Variants in OPCML observed in about 807,000 individuals in gnomAD.
OPCML encodes opioid-binding protein/cell adhesion molecule.
In OPCML, 13 loss-of-function variants were observed where a neutral mutation model predicts 37.8. That is an observed-to-expected ratio of 0.34 (90% CI 0.22 to 0.55). The LOEUF (loss-of-function observed/expected upper bound fraction) is 0.55, where lower values mean the gene tolerates loss of function less well. Ranked by LOEUF, OPCML falls within the 20% of genes least tolerant of loss-of-function variation. The pLI is 0.91. For missense variants in OPCML, 341 were observed against 435.6 expected, an observed-to-expected ratio of 0.78 and a Z score of 1.93; for synonymous variants, 176 against 168.8, an observed-to-expected ratio of 1.04 and a Z score of -0.33.
intron 3 of OPCML, among the ~76,000 whole-genome samples, chr11:132,539,286 G>T (rs570325880): frequency 1.1e-4 from 16 of 152,278 alleles, no homozygotes; most frequent in African/African-American, 3.8e-4. Context: ...TGAAGGGTTT[G>T]TTGTGGGCAG....
At chr11:132,845,883 G>A (rs993780461) in intron 2 of OPCML, among the ~76,000 whole-genome samples, 1 of 151,990 alleles carries the variant, frequency 6.6e-6, no homozygotes, top group African/African-American at 2.4e-5. Flanking sequence ...TCCATGTGGC[G>A]AAAGGCCCAT....
chr11:132,836,395 G>A (rs572921309), intron 2 of OPCML, among the ~76,000 whole-genome samples: 2 of 152,208 alleles, frequency 1.3e-5, no homozygotes, highest in East Asian at 1.9e-4. Flanking sequence ...TGTGACTTCC[G>A]TCCCCTCAGG....
intron 2 of OPCML, among the ~76,000 whole-genome samples, chr11:132,930,820 A>T (rs1358321280): frequency 1.3e-5 from 2 of 152,304 alleles, no homozygotes; most frequent in East Asian, 3.9e-4. Context: ...CAATCCTAAA[A>T]TTTATATGAA....
chr11:132,817,469 T>C (rs1045106614), intron 2 of OPCML, among the ~76,000 whole-genome samples: 3 of 152,240 alleles, frequency 2.0e-5, no homozygotes, highest in Admixed American at 2.0e-4. Flanking sequence ...TCTTTTTTTG[T>C]CTTTGGAAAA....
rs116343957 is a variant in OPCML, at chr11:133,386,055, G to C, written c.61+146209C>G. Among the ~76,000 whole-genome samples, 1,305 of 152,284 alleles carry C rather than the reference G, an allele frequency of 8.6e-3. 19 individuals carry two copies. Among genetic ancestry groups the C allele is most frequent in the African/African-American group, 0.03 (1,228 of 41,540 alleles). ...CACAAGAAAACTCCCATTAGAGCGG[G>C]AGAGGGGAAGTGTGTGTTAATGAGC... On this transcript the variant is annotated intron_variant, in intron 1 of 7. Transcript: ENST00000524381.
intron 1 of OPCML, among the ~76,000 whole-genome samples, chr11:133,069,274 C>CT (rs773045305): frequency 1.4e-4 from 21 of 152,242 alleles, no homozygotes; most frequent in South Asian, 4.1e-4. Context: ...CAAGAAAATT[C>CT]TTAACATTAT....
intron 1 of OPCML, among the ~76,000 whole-genome samples, chr11:133,485,321 A>G (rs990558269): frequency 2.0e-5 from 3 of 152,308 alleles, no homozygotes; most frequent in Middle Eastern, 6.8e-3. Context: ...GAATTAATGT[A>G]ATAAGAAATG....
At chr11:132,945,883 C>T (rs1469617192) in intron 1 of OPCML, among the ~76,000 whole-genome samples, 7 of 152,260 alleles carry the variant, frequency 4.6e-5, no homozygotes, top group Middle Eastern at 3.4e-3. Context: ...CCCGGGTTCA[C>T]GCCATTCTCC....
At chr11:132,626,030 C>T (rs1375005877) in intron 3 of OPCML, among the ~76,000 whole-genome samples, 1 of 151,952 alleles carries the variant, frequency 6.6e-6, no homozygotes, top group Non-Finnish European at 1.5e-5. Context: ...CATTGAACTC[C>T]TCCTACAAGG....
At position 132,571,053 on chromosome 11, in the gene OPCML, G is replaced by A. The variant is rs377343637; in HGVS notation, c.380-41867C>T. ...GTGGGCACCATCCATTCGGCTGCCAGCCTGGCTAGAAGAGTAGGTGGAAGA... is the reference window on the plus strand; with the variant it reads ...GTGGGCACCATCCATTCGGCTGCCAACCTGGCTAGAAGAGTAGGTGGAAGA... On this transcript the variant is annotated intron_variant, in intron 3 of 7. Transcript: ENST00000524381. Among the ~76,000 whole-genome samples the A allele has an allele frequency of 2.6e-5, 4 of 152,024 alleles. No homozygotes were observed. In the South Asian group the frequency reaches 8.3e-4, roughly 32 times the overall value.
Position 132,477,548 on chromosome 11 carries a change from C to A in OPCML, c.506-40189G>T, listed in dbSNP as rs113938384. 4.8e-3 allele frequency among the ~76,000 whole-genome samples: 724 copies of A among 152,312 alleles called. 6 individuals are homozygous for A. The highest frequency in any genetic ancestry group is 0.016 in the African/African-American group (665 of 41,568). On this transcript the variant is annotated intron_variant, in intron 4 of 7. Coordinates refer to ENST00000524381, the MANE Select transcript of OPCML (RefSeq NM_001012393.5). ...GTCATTCTGGAAAGCTTGGAACAGT[C>A]AAGATATGGCTAAGAGAAGAGGGCA...
chr11:132,886,854 C>T (rs78196258), intron 2 of OPCML, among the ~76,000 whole-genome samples: 3,503 of 152,280 alleles, frequency 0.023, 55 homozygotes, highest in Middle Eastern at 0.041. Context: ...TGAGTGTTTC[C>T]TGACTTCTTG....
chr11:133,167,271 G>GTTA (rs1950221055), intron 1 of OPCML, among the ~76,000 whole-genome samples: 1 of 152,032 alleles, frequency 6.6e-6, no homozygotes, highest in African/African-American at 2.4e-5. Flanking sequence ...TATCAATATT[G>GTTA]TTATTATTAT....
At chr11:132,794,091 C>T (rs1429023444) in intron 2 of OPCML, among the ~76,000 whole-genome samples, 1 of 152,186 alleles carries the variant, frequency 6.6e-6, no homozygotes, top group Non-Finnish European at 1.5e-5. Flanking sequence ...AATCCTCCTA[C>T]CTCCACCGTG....
chr11:133,429,192 T>C (rs1371602505), intron 1 of OPCML, among the ~76,000 whole-genome samples: 9 of 152,194 alleles, frequency 5.9e-5, no homozygotes, highest in Non-Finnish European at 8.8e-5. Context: ...TACCCATCCA[T>C]ATATCTTGGG....
chr11:132,858,791 T>C (rs1234304718), intron 2 of OPCML, among the ~76,000 whole-genome samples: 1 of 152,212 alleles, frequency 6.6e-6, no homozygotes, highest in Non-Finnish European at 1.5e-5. Context: ...TATGAATAAA[T>C]CTAAAAGTAC....
chr11:132,943,999 G>C lies in OPCML; in HGVS notation c.62-989C>G, dbSNP rs995559948. 1.3e-5 allele frequency among the ~76,000 whole-genome samples: 2 copies of C among 151,842 alleles called. No homozygotes were observed. Among genetic ancestry groups the C allele is most frequent in the Non-Finnish European group, 2.9e-5 (2 of 67,860 alleles). ...CTCCCGGTGCCGCCTCGGAGCGAGC[G>C]GGCTGGCGGGCGGCGCGGACTGCGC... On this transcript the variant is annotated intron_variant, in intron 1 of 7. Coordinates refer to ENST00000524381, the MANE Select transcript of OPCML (RefSeq NM_001012393.5). This position sits in a 1 kb window ranked among gnomAD's most constrained non-coding sequence, Gnocchi z 4.3.
intron 1 of OPCML, among the ~76,000 whole-genome samples, chr11:133,514,148 A>T (rs1948214719): frequency 6.6e-6 from 1 of 152,302 alleles, no homozygotes; most frequent in Middle Eastern, 3.4e-3. Flanking sequence ...CATCTGCAAG[A>T]CCTTGGAGCT....
intron 1 of OPCML, among the ~76,000 whole-genome samples, chr11:133,116,358 G>T (rs1462553957): frequency 6.6e-6 from 1 of 152,164 alleles, no homozygotes; most frequent in Non-Finnish European, 1.5e-5. Context: ...TAATTTCTAT[G>T]CAAATCAATT....
Sources: gnomAD v4.1 joint callset for allele counts (sites outside exome capture counted in the v4.1 genomes callset) on GRCh38, gnomAD v4.1.1 for gene constraint, Gnocchi (gnomAD v3.1) non-coding constraint, MANE v1.5 for transcripts, NCBI Gene and HGNC (gene_info 2026-07-23, HGNC 2026-07-21) for gene names.